Variants in CADM1 observed in about 807,000 individuals in gnomAD.
CADM1 encodes TSLC-1.
Under a neutral mutation model 53.1 loss-of-function variants are expected in CADM1, and 15 were observed. The ratio of observed to expected loss-of-function variants is 0.28; its 90% CI spans 0.19 to 0.44. CADM1 has a LOEUF of 0.44. CADM1 is among the 20% of genes least tolerant of loss of function. The pLI, the probability that CADM1 is intolerant of heterozygous loss-of-function variation, is 1.00. For missense variants in CADM1, 434 were observed against 611.3 expected, an observed-to-expected ratio of 0.71 and a Z score of 3.06; for synonymous variants, 281 against 243.0, an observed-to-expected ratio of 1.16 and a Z score of -1.45.
At chr11:115,286,853 T>C (rs956841309) in intron 1 of CADM1, among the ~76,000 whole-genome samples, 58 of 152,176 alleles carry the variant, frequency 3.8e-4, no homozygotes, top group African/African-American at 1.2e-3. Context: ...ACATCACTAC[T>C]GATTAAAGAG....
chr11:115,451,716 G>T (rs1948575897), intron 1 of CADM1, among the ~76,000 whole-genome samples: 1 of 152,110 alleles, frequency 6.6e-6, no homozygotes, highest in African/African-American at 2.4e-5. Flanking sequence ...CATGGAAATG[G>T]GGGAAACAGT....
intron 8 of CADM1, among the ~76,000 whole-genome samples, chr11:115,204,585 T>G (rs761770889): frequency 1.3e-5 from 2 of 152,056 alleles, no homozygotes; most frequent in Non-Finnish European, 1.5e-5. Context: ...CCCTGGGGAA[T>G]AGCCAGCTGT....
chr11:115,322,385 C>T (rs926734035), intron 1 of CADM1, among the ~76,000 whole-genome samples: 44 of 152,282 alleles, frequency 2.9e-4, no homozygotes, highest in African/African-American at 9.4e-4. Context: ...AGTCTTATGT[C>T]AAGTATATAT....
At chr11:115,481,395 A>T (rs561054575) in intron 1 of CADM1, among the ~76,000 whole-genome samples, 1 of 152,238 alleles carries the variant, frequency 6.6e-6, no homozygotes, top group South Asian at 2.1e-4. Context: ...CTTTCCTCAA[A>T]GTCTCTTGAC....
intron 1 of CADM1, among the ~76,000 whole-genome samples, chr11:115,455,986 G>C (rs1948676219): frequency 6.6e-6 from 1 of 152,148 alleles, no homozygotes; most frequent in Non-Finnish European, 1.5e-5. Context: ...TAGTGGCACA[G>C]TTCTAAAGAG....
At chr11:115,424,495 G>A (rs1025983472) in intron 1 of CADM1, among the ~76,000 whole-genome samples, 1 of 152,170 alleles carries the variant, frequency 6.6e-6, no homozygotes, top group African/African-American at 2.4e-5. Context: ...AGACAAACCT[G>A]TAGGAAAACA....
At chr11:115,405,716 A>G (rs1478163811) in intron 1 of CADM1, among the ~76,000 whole-genome samples, 1 of 152,254 alleles carries the variant, frequency 6.6e-6, no homozygotes. Flanking sequence ...AGCAAATTTC[A>G]GAATACAACA....
At chr11:115,399,122 A>C (rs775546489) in intron 1 of CADM1, 3 of 152,228 alleles carry the variant, frequency 2.0e-5, no homozygotes, top group Non-Finnish European at 4.4e-5. Context: ...TAGAAGAAGA[A>C]AAAGATATCC....
chr11:115,419,425 G>C (rs1461940906), intron 1 of CADM1, among the ~76,000 whole-genome samples: 2 of 152,116 alleles, frequency 1.3e-5, no homozygotes, highest in African/African-American at 4.8e-5. Flanking sequence ...AAGTTTGTTT[G>C]TGACCCTTTT....
intron 1 of CADM1, among the ~76,000 whole-genome samples, chr11:115,331,712 C>T (rs1945133020): frequency 6.7e-6 from 1 of 148,422 alleles, no homozygotes; most frequent in African/African-American, 2.5e-5. Context: ...AAGATTTTAC[C>T]AAGTCTATAC....
At chr11:115,501,497 C>T (rs909117165) in intron 1 of CADM1, among the ~76,000 whole-genome samples, 2 of 152,196 alleles carry the variant, frequency 1.3e-5, no homozygotes, top group Admixed American at 6.5e-5. Context: ...TAAACAACAT[C>T]ATGCATGCAC....
chr11:115,180,192 C>T (rs1404098692), intron 10 of CADM1, among the ~76,000 whole-genome samples: 2 of 152,064 alleles, frequency 1.3e-5, no homozygotes, highest in Non-Finnish European at 2.9e-5. Context: ...AATTCTGCTC[C>T]GAGATTAAGT....
chr11:115,261,080 G>A (rs898653085), intron 1 of CADM1, among the ~76,000 whole-genome samples: 3 of 152,044 alleles, frequency 2.0e-5, no homozygotes, highest in African/African-American at 7.2e-5. Context: ...CAATGCCTGA[G>A]ACTTACAAGC....
At chr11:115,305,157 G>A (rs1021340005) in intron 1 of CADM1, among the ~76,000 whole-genome samples, 2 of 151,876 alleles carry the variant, frequency 1.3e-5, no homozygotes, top group African/African-American at 4.8e-5. Flanking sequence ...ATCACCCGGA[G>A]CCCTCAAATC....
chr11:115,492,959 A>ACC (rs1949531922), intron 1 of CADM1, among the ~76,000 whole-genome samples: 1 of 151,390 alleles, frequency 6.6e-6, no homozygotes, highest in African/African-American at 2.4e-5. Context: ...ACACACACAC[A>ACC]CACCCTTGTT....
intron 1 of CADM1, among the ~76,000 whole-genome samples, chr11:115,250,367 T>G (rs573561532): frequency 6.6e-6 from 1 of 152,204 alleles, no homozygotes; most frequent in South Asian, 2.1e-4. Context: ...GTGATTAAAC[T>G]TGGGTCACTT....
At chr11:115,471,642 G>A (rs1401616378) in intron 1 of CADM1, among the ~76,000 whole-genome samples, 1 of 152,192 alleles carries the variant, frequency 6.6e-6, no homozygotes, top group Admixed American at 6.5e-5. Context: ...TGACTCAGCA[G>A]GTCTGGAGTG....
chr11:115,288,440 C>A (rs1943789919), intron 1 of CADM1, among the ~76,000 whole-genome samples: 1 of 149,768 alleles, frequency 6.7e-6, no homozygotes, highest in African/African-American at 2.5e-5. Flanking sequence ...TAAAAAAATA[C>A]AGCATCACAT....
In CADM1 at chr11:115,398,914, G is replaced by A. The variant is rs144685085; in HGVS notation, c.124+105357C>T. 1.0e-3 allele frequency among the ~76,000 whole-genome samples: 153 copies of A among 152,304 alleles called. 1 individual carries two copies. Among genetic ancestry groups the A allele is most frequent in the African/African-American group, 3.4e-3 (141 of 41,574 alleles). ...CAGCCAAAGACCCTTCAGATAACAG[G>A]AGGGAGAGTTAGTCTCTATTTTTAT... On this transcript the variant is annotated intron_variant, in intron 1 of 11. Coordinates refer to ENST00000331581, the MANE Select transcript of CADM1 (RefSeq NM_001301043.2).
Sources: gnomAD v4.1 joint callset for allele counts (sites outside exome capture counted in the v4.1 genomes callset) on GRCh38, gnomAD v4.1.1 for gene constraint, MANE v1.5 for transcripts, NCBI Gene and HGNC (gene_info 2026-07-23, HGNC 2026-07-21) for gene names.